DIP2C: variants seen among roughly 807,000 people sequenced by gnomAD.
The protein encoded by DIP2C is disco-interacting protein 2 homolog C.
In DIP2C, 33 loss-of-function variants were observed where a neutral mutation model predicts 192.4. The observed-to-expected ratio is 0.17, with a 90% CI of 0.13 to 0.23. DIP2C has a LOEUF of 0.23. Among genes scored for constraint, DIP2C ranks in the 10% least tolerant of loss-of-function variants. The pLI, the probability that DIP2C is intolerant of heterozygous loss-of-function variation, is 1.00. For missense variants in DIP2C, 1,537 were observed against 2,110.1 expected (o/e 0.73, Z 5.32); for synonymous variants, 979 against 864.1 (o/e 1.13, Z -2.33).
At chr10:419,335 A>G in intron 5 of DIP2C, 136 bp from the exon 6 acceptor site, 1 of 1,254,960 alleles carries the variant, frequency 8.0e-7, no homozygotes, top group South Asian at 1.4e-5. Flanking sequence ...AGCCGATCTC[A>G]GCCGCATCTG....
intron 5 of DIP2C, among the ~76,000 whole-genome samples, chr10:421,314 C>T (rs1966167138): frequency 6.6e-6 from 1 of 152,178 alleles, no homozygotes; most frequent in Admixed American, 6.5e-5. Flanking sequence ...AAAGGGAGGC[C>T]AAGTGCCGTG....
At chr10:369,739 T>A (rs1261544343) in intron 17 of DIP2C, 106 bp from the exon 18 acceptor site, 3 of 1,575,052 alleles carry the variant, frequency 1.9e-6, no homozygotes, top group Non-Finnish European at 2.6e-6. Context: ...CTGGGCACAG[T>A]GCTGGCACCC....
In DIP2C at chr10:327,116, G is replaced by A; in HGVS notation, c.3814C>T (p.Arg1272Trp). ...TCVVVAEERP[R>W]IALTQSFSKL... The stretch of plus-strand genomic sequence containing the variant: ...GAGAACGACTGTGTGAGTGCGATCC[G>A]AGGCCTCTCTTCCGCCACAACCACG... The change falls in exon 31 of 37, where the codon CGG becomes TGG. Residue 1272 changes from arginine to tryptophan, a missense_variant. This residue lies in a region of DIP2C where 341 missense variants were observed against 551.7 expected (regional missense o/e 0.62). Coordinates refer to ENST00000280886, the MANE Select transcript of DIP2C (RefSeq NM_014974.3). 2.5e-6 allele frequency: 4 copies of A among 1,614,106 alleles called. No homozygotes were observed. The highest frequency in any genetic ancestry group is 3.4e-6 in the Non-Finnish European group (4 of 1,180,018).
chr10:291,557 C>T (rs949022234), intron 32 of DIP2C, among the ~76,000 whole-genome samples: 2 of 152,184 alleles, frequency 1.3e-5, no homozygotes, highest in African/African-American at 4.8e-5. Context: ...CATCAGAGGG[C>T]TGATTCCCTC....
rs1852976589 is a variant in DIP2C, at chr10:610,141, C to T, written c.85+79353G>A. On this transcript the variant is annotated intron_variant, in intron 1 of 36. Transcript: ENST00000280886. ...CATACACAGGAGCAGTACTCCACCA[C>T]ACAGAGGAGAGAGCCCTGTCATCCA... Among the ~76,000 whole-genome samples, 2 of 152,076 alleles carry T rather than the reference C, an allele frequency of 1.3e-5. 1 individual carries two copies. The highest frequency in any genetic ancestry group is 4.2e-4 in the South Asian group (2 of 4,762).
intron 1 of DIP2C, among the ~76,000 whole-genome samples, chr10:577,973 C>T (rs1850282527): frequency 1.3e-5 from 2 of 152,074 alleles, no homozygotes; most frequent in South Asian, 2.1e-4. Flanking sequence ...TCTTGCAATC[C>T]TCCATCAAGG....
At chr10:298,101 C>T (rs1589417877) in intron 32 of DIP2C, among the ~76,000 whole-genome samples, 1 of 152,180 alleles carries the variant, frequency 6.6e-6, no homozygotes. Context: ...TTTACTCAGC[C>T]TTCCTCATTT....
rs180933887 is a variant in DIP2C at position 624,448 on chromosome 10, C to A, written c.85+65046G>T. Among the ~76,000 whole-genome samples, 345 of 152,350 alleles carry A rather than the reference C, an allele frequency of 2.3e-3. 1 individual carries two copies. The highest frequency in any genetic ancestry group is 7.8e-3 in the African/African-American group (323 of 41,576). On this transcript the variant is annotated intron_variant, in intron 1 of 36. Transcript: ENST00000280886. ...GGAAGGCAGCGCCCGCTCAGCTCCA[C>A]ATCCAGGCTTTTGTGCCTCACTCAA...
At chr10:659,171 A>G (rs150644669) in intron 1 of DIP2C, among the ~76,000 whole-genome samples, 39 of 152,394 alleles carry the variant, frequency 2.6e-4, no homozygotes, top group African/African-American at 9.4e-4. Context: ...ATGCACACAT[A>G]TACATTTATA....
At chr10:610,412 C>T (rs934785137) in intron 1 of DIP2C, among the ~76,000 whole-genome samples, 7 of 152,140 alleles carry the variant, frequency 4.6e-5, no homozygotes, top group African/African-American at 1.7e-4. Flanking sequence ...GGGTCACCTA[C>T]TGTGTATTTC....
At chr10:662,965 G>C (rs974377012) in intron 1 of DIP2C, 20 of 716,726 alleles carry the variant, frequency 2.8e-5, no homozygotes, top group African/African-American at 2.6e-4. Context: ...GTGATTAACA[G>C]AACATGCTGA....
At chr10:428,923 T>G (rs1367138989) in intron 4 of DIP2C, among the ~76,000 whole-genome samples, 1 of 152,138 alleles carries the variant, frequency 6.6e-6, no homozygotes, top group Non-Finnish European at 1.5e-5. Context: ...TATCATATTT[T>G]CCAGCTTTAT....
At chr10:546,681 C>T (rs1359441280) in intron 1 of DIP2C, among the ~76,000 whole-genome samples, 2 of 152,166 alleles carry the variant, frequency 1.3e-5, no homozygotes, top group Admixed American at 6.5e-5. Flanking sequence ...TCCTTTTAAG[C>T]GGACTGGTCT....
chr10:560,985 CAACT>C (rs543166857), intron 1 of DIP2C, among the ~76,000 whole-genome samples: 56 of 152,290 alleles, frequency 3.7e-4, no homozygotes, highest in African/African-American at 9.1e-4. Flanking sequence ...CTCTCTCAAC[CAACT>C]GTCAATCAGG....
chr10:572,788 G>T (rs1849908145), intron 1 of DIP2C, among the ~76,000 whole-genome samples: 1 of 152,272 alleles, frequency 6.6e-6, no homozygotes, highest in South Asian at 2.1e-4. Context: ...TAAACACGTT[G>T]GTGCAGGTGA....
chr10:512,594 A>G (rs541941895), intron 1 of DIP2C, among the ~76,000 whole-genome samples: 1 of 152,098 alleles, frequency 6.6e-6, no homozygotes, highest in East Asian at 1.9e-4. Flanking sequence ...CAAAAAACAA[A>G]AAGCAAAAAC....
chr10:301,058 G>C (rs1362118669), intron 32 of DIP2C, among the ~76,000 whole-genome samples: 1 of 152,158 alleles, frequency 6.6e-6, no homozygotes, highest in Non-Finnish European at 1.5e-5. Context: ...AGGAGGGTAG[G>C]CTCAGCAGCA....
At chr10:618,650 AACAAAGT>A (rs1332444204) in intron 1 of DIP2C, among the ~76,000 whole-genome samples, 3 of 152,266 alleles carry the variant, frequency 2.0e-5, no homozygotes, top group African/African-American at 7.2e-5. Context: ...GCTTTTATGC[AACAAAGT>A]TAAAAGACTA....
chr10:384,889 G>A (rs1409611009), intron 14 of DIP2C, among the ~76,000 whole-genome samples: 1 of 151,452 alleles, frequency 6.6e-6, no homozygotes, highest in East Asian at 2.0e-4. Context: ...GGCCCCCAGG[G>A]AAGGAGGAGG....
Sources: allele counts gnomAD v4.1 joint callset (sites outside exome capture counted in the v4.1 genomes callset), GRCh38; gene constraint gnomAD v4.1.1; regional missense constraint gnomAD v4.1.1; transcripts MANE v1.5; gene names NCBI Gene and HGNC (gene_info 2026-07-23, HGNC 2026-07-21).